RALGPS2: variants seen among roughly 807,000 people sequenced by gnomAD.
The protein encoded by RALGPS2 is Ral GEF with PH domain and SH3 binding motif 2, also known as ras-specific guanine nucleotide-releasing factor RalGPS2.
A neutral mutation model predicts 86.8 loss-of-function variants in RALGPS2; 43 were observed. The ratio of observed to expected loss-of-function variants is 0.50; its 90% CI spans 0.39 to 0.64. The LOEUF is 0.64. Ranked by LOEUF, RALGPS2 falls within the 30% of genes least tolerant of loss-of-function variation. RALGPS2 has a pLI of 0.00. For synonymous variants in RALGPS2, 243 were observed against 231.3 expected, an observed-to-expected ratio of 1.05 and a Z score of -0.46; for missense variants, 536 against 694.6, an observed-to-expected ratio of 0.77 and a Z score of 2.57.
chr1:178,794,382 G>A (rs2102152647), intron 4 of RALGPS2, among the ~76,000 whole-genome samples: 1 of 152,132 alleles, frequency 6.6e-6, no homozygotes, highest in East Asian at 1.9e-4. Flanking sequence ...CCAAAGTGCT[G>A]GGATTACAGG....
At chr1:178,887,301 A>G (rs942418571) in intron 13 of RALGPS2, among the ~76,000 whole-genome samples, 3 of 152,084 alleles carry the variant, frequency 2.0e-5, no homozygotes, top group Admixed American at 6.5e-5. Flanking sequence ...AAAAATACAA[A>G]AAGTAGCAGG....
chr1:178,730,395 C>T (rs536068902), intron 1 of RALGPS2, among the ~76,000 whole-genome samples: 3 of 152,178 alleles, frequency 2.0e-5, no homozygotes, highest in African/African-American at 7.2e-5. Flanking sequence ...AATCAGCATT[C>T]GTTGTTTACA....
At chr1:178,809,595 T>G (rs1654884403) in intron 5 of RALGPS2, among the ~76,000 whole-genome samples, 1 of 152,202 alleles carries the variant, frequency 6.6e-6, no homozygotes, top group East Asian at 1.9e-4. Flanking sequence ...CTTTTTCTTG[T>G]GAGTCCAGTA....
chr1:178,736,217 G>T (rs1267163110), intron 1 of RALGPS2, among the ~76,000 whole-genome samples: 2 of 150,456 alleles, frequency 1.3e-5, no homozygotes, highest in Non-Finnish European at 3.0e-5. Context: ...CCAGCCTGGA[G>T]TGCAGTGGTG....
intron 17 of RALGPS2, among the ~76,000 whole-genome samples, chr1:178,898,362 T>C (rs1660032429): frequency 6.6e-6 from 1 of 151,966 alleles, no homozygotes; most frequent in African/African-American, 2.4e-5. Flanking sequence ...AATTACGTGG[T>C]TTATCCTACT....
chr1:178,892,836 G>T (rs1659775772), intron 15 of RALGPS2, among the ~76,000 whole-genome samples: 1 of 152,062 alleles, frequency 6.6e-6, no homozygotes, highest in South Asian at 2.1e-4. Flanking sequence ...AGCTGTGGAG[G>T]CAGATAAGGG....
intron 1 of RALGPS2, among the ~76,000 whole-genome samples, chr1:178,745,459 A>T (rs1651263341): frequency 6.6e-6 from 1 of 152,282 alleles, no homozygotes; most frequent in Admixed American, 6.5e-5. Flanking sequence ...AACAGAGTCC[A>T]GAAGTAAGCC....
intron 2 of RALGPS2, among the ~76,000 whole-genome samples, chr1:178,780,541 C>T (rs1176386530): frequency 6.6e-6 from 1 of 152,126 alleles, no homozygotes; most frequent in South Asian, 2.1e-4. Context: ...GCCCACTGAG[C>T]CTTTTATTCA....
chr1:178,859,874 G>A (rs868658231), intron 8 of RALGPS2, among the ~76,000 whole-genome samples: 5 of 110,328 alleles, frequency 4.5e-5, no homozygotes, highest in African/African-American at 1.8e-4. Context: ...CCGCCACCAC[G>A]CCTGGCTAAT....
chr1:178,739,551 C>T (rs1053680361), intron 1 of RALGPS2, among the ~76,000 whole-genome samples: 4 of 152,066 alleles, frequency 2.6e-5, no homozygotes, highest in South Asian at 2.1e-4. Flanking sequence ...GTTGTTGGCA[C>T]GATTTGGATT....
intron 19 of RALGPS2, among the ~76,000 whole-genome samples, chr1:178,908,867 A>G (rs1251331882): frequency 6.6e-6 from 1 of 152,144 alleles, no homozygotes; most frequent in Non-Finnish European, 1.5e-5. Flanking sequence ...ATGTTGGTTT[A>G]TTCTGCTGAT....
chr1:178,799,916 G>T (rs1364689609), intron 4 of RALGPS2, among the ~76,000 whole-genome samples: 1 of 152,120 alleles, frequency 6.6e-6, no homozygotes, highest in East Asian at 1.9e-4. Flanking sequence ...AGAAAACTGT[G>T]TCCAGATGTT....
At chr1:178,850,145 GC>G (rs1328578073) in intron 8 of RALGPS2, 1 of 152,630 alleles carries the variant, frequency 6.6e-6, no homozygotes, top group African/African-American at 2.4e-5. Context: ...CGGGAAAACA[GC>G]CAACAGTTCC....
chr1:178,776,643 C>T (rs997546389), intron 1 of RALGPS2, 39 bp from the exon 2 acceptor site: 15 of 633,186 alleles, frequency 2.4e-5, no homozygotes, highest in Admixed American at 2.3e-4. Flanking sequence ...TCTTGAACTT[C>T]GAGGAAGACA....
chr1:178,857,598 C>T (rs1657676103), intron 8 of RALGPS2, among the ~76,000 whole-genome samples: 1 of 152,158 alleles, frequency 6.6e-6, no homozygotes, highest in Non-Finnish European at 1.5e-5. Flanking sequence ...ATAGTTAATG[C>T]ACACATGAAA....
At chr1:178,789,297 A>G (rs1653838572) in intron 4 of RALGPS2, among the ~76,000 whole-genome samples, 1 of 152,230 alleles carries the variant, frequency 6.6e-6, no homozygotes, top group Non-Finnish European at 1.5e-5. Flanking sequence ...CAAGGAGACC[A>G]CGTGAGAGAT....
At chr1:178,735,536 G>T (rs1186266814) in intron 1 of RALGPS2, among the ~76,000 whole-genome samples, 2 of 147,122 alleles carry the variant, frequency 1.4e-5, no homozygotes, top group Non-Finnish European at 3.0e-5. Context: ...CAGTTCTCCT[G>T]CCTCAGCCTC....
rs188426431 is a variant in RALGPS2, at chr1:178,889,022, C to T, written c.1193-620C>T. On this transcript the variant is annotated intron_variant, in intron 13 of 19. Coordinates refer to ENST00000367635, the MANE Select transcript of RALGPS2 (RefSeq NM_152663.5). ...TTTTGGACTCTCTAAATTCATTCCCCATAGTTTTTTTGTTGGTTTTTTTTC... is the reference window on the plus strand; with the variant it reads ...TTTTGGACTCTCTAAATTCATTCCCTATAGTTTTTTTGTTGGTTTTTTTTC... 1.3e-3 allele frequency among the ~76,000 whole-genome samples: 194 copies of T among 152,080 alleles called. 2 individuals carry two copies. The highest frequency in any genetic ancestry group is 4.3e-3 in the African/African-American group (177 of 41,528).
chr1:178,760,438 C>T (rs1349671237), intron 1 of RALGPS2, among the ~76,000 whole-genome samples: 1 of 151,812 alleles, frequency 6.6e-6, no homozygotes, highest in Non-Finnish European at 1.5e-5. Context: ...TCTGTAATGC[C>T]CTTGTCTTTT....
Sources: gnomAD v4.1 joint callset for allele counts (sites outside exome capture counted in the v4.1 genomes callset) on GRCh38, gnomAD v4.1.1 for gene constraint, MANE v1.5 for transcripts, NCBI Gene and HGNC (gene_info 2026-07-23, HGNC 2026-07-21) for gene names.